The following PTPRD variants were observed in gnomAD, a reference collection of about 807,000 sequenced individuals.
The protein encoded by PTPRD is protein tyrosine phosphatase receptor type D, also known as receptor-type tyrosine-protein phosphatase delta.
A neutral mutation model predicts 214.5 loss-of-function variants in PTPRD; 34 were observed. That is an observed-to-expected ratio of 0.16 (90% confidence interval 0.12 to 0.21). PTPRD has a LOEUF of 0.21. Among genes scored for constraint, PTPRD ranks in the 10% least tolerant of loss-of-function variants. The probability of loss-of-function intolerance (pLI) is 1.00; values close to 1 mark genes in which losing one functional copy is unlikely to be tolerated. For missense variants in PTPRD, 2,545 were observed against 2,398.7 expected, an observed-to-expected ratio of 1.06 and a Z score of -1.27; for synonymous variants, 1,128 against 845.7, an observed-to-expected ratio of 1.33 and a Z score of -5.79.
At chr9:9,094,048 T>G (rs1266961020) in intron 10 of PTPRD, among the ~76,000 whole-genome samples, 2 of 152,058 alleles carry the variant, frequency 1.3e-5, no homozygotes, top group Non-Finnish European at 2.9e-5. Context: ...CATACATAAG[T>G]TCAACAACTT....
At chr9:9,444,555 T>A (rs1368957333) in intron 8 of PTPRD, among the ~76,000 whole-genome samples, 2 of 152,312 alleles carry the variant, frequency 1.3e-5, no homozygotes, top group South Asian at 2.1e-4. Flanking sequence ...TAAACACAGA[T>A]GTTTTTATGG....
intron 11 of PTPRD, among the ~76,000 whole-genome samples, chr9:8,925,588 T>G (rs1486588273): frequency 5.0e-5 from 5 of 100,972 alleles, no homozygotes; most frequent in African/African-American, 1.6e-4. Context: ...AACCAAGATA[T>G]TTTTCATCTG....
In PTPRD at chr9:8,359,107, C is replaced by CAAAAAAAA. The variant is rs749802631; in HGVS notation, c.4661+16821_4661+16828dup. ...TGGGCCACAGAGCGAGACTCCGTCTCAAAAAAAAAAAAAAACAAAAAAAAA... is the reference window on the plus strand; with the variant it reads ...TGGGCCACAGAGCGAGACTCCGTCTCAAAAAAAAAAAAAAAAAAAAAAACAAAAAAAAA... On this transcript the variant is annotated intron_variant, in intron 39 of 45. Coordinates refer to ENST00000381196, the MANE Select transcript of PTPRD (RefSeq NM_002839.4). 6.1e-4 allele frequency among the ~76,000 whole-genome samples: 6 copies of CAAAAAAAA among 9,832 alleles called. 1 individual carries two copies. The highest frequency in any genetic ancestry group is 3.1e-3 in the African/African-American group (6 of 1,944). The allele number at this position is 9,832 out of a possible 152,430, so 6.5% of individuals were successfully genotyped here. A position where few individuals can be genotyped will look rare whatever the true frequency, so the allele number is the denominator to read the frequency against.
At chr9:8,606,635 T>A (rs1182376445) in intron 14 of PTPRD, among the ~76,000 whole-genome samples, 1 of 152,204 alleles carries the variant, frequency 6.6e-6, no homozygotes, top group African/African-American at 2.4e-5. Context: ...TATTCTGAAA[T>A]CCATTCTGCC....
intron 3 of PTPRD, among the ~76,000 whole-genome samples, chr9:10,337,578 T>C (rs1242405986): frequency 6.6e-6 from 1 of 151,720 alleles, no homozygotes; most frequent in Non-Finnish European, 1.5e-5. Context: ...TGCATTTTTT[T>C]CCTTTGCAAT....
At chr9:8,918,631 A>C (rs1390994118) in intron 11 of PTPRD, among the ~76,000 whole-genome samples, 1 of 152,136 alleles carries the variant, frequency 6.6e-6, no homozygotes, top group African/African-American at 2.4e-5. Flanking sequence ...ATGTTAGAAA[A>C]CATATTGCAC....
At chr9:9,038,276 G>C (rs57516156) in intron 10 of PTPRD, among the ~76,000 whole-genome samples, 4,109 of 152,154 alleles carry the variant, frequency 0.027, 185 homozygotes, top group African/African-American at 0.093. Context: ...AGCCCAGATG[G>C]GCAGCTGGGA....
intron 10 of PTPRD, among the ~76,000 whole-genome samples, chr9:9,129,115 C>T (rs12350880): frequency 0.033 from 5,101 of 152,294 alleles, 182 homozygotes; most frequent in African/African-American, 0.074. Context: ...TTAGGCCGGG[C>T]GCAGTGGCTC....
rs556249301 is a variant in PTPRD, at chr9:9,304,231, G to T, written c.-203+93218C>A. On this transcript the variant is annotated intron_variant, in intron 9 of 45. Transcript: ENST00000381196. ...GGTGACATATAGTATAATAGAGGAT[G>T]ATTGTTATGGGAAAAAGAAAAGAAG... 4.6e-5 allele frequency among the ~76,000 whole-genome samples: 7 copies of T among 152,194 alleles called. No homozygotes were observed. The East Asian group carries it at 7.7e-4, about 17-fold the overall frequency.
intron 3 of PTPRD, among the ~76,000 whole-genome samples, chr9:10,260,176 G>A (rs2093601489): frequency 6.6e-6 from 1 of 152,124 alleles, no homozygotes; most frequent in South Asian, 2.1e-4. Context: ...TGTGGAAACC[G>A]TAAATGTGAC....
At chr9:9,000,438 G>A (rs1247466078) in intron 11 of PTPRD, among the ~76,000 whole-genome samples, 1 of 151,962 alleles carries the variant, frequency 6.6e-6, no homozygotes, top group Non-Finnish European at 1.5e-5. Context: ...ACAGATAAAA[G>A]CAGAGTAATA....
chr9:8,622,613 C>A (rs12686827), intron 14 of PTPRD, among the ~76,000 whole-genome samples: 12,943 of 151,868 alleles, frequency 0.085, 681 homozygotes, highest in East Asian at 0.17. Flanking sequence ...TTCTTTCCAT[C>A]TTTTTATTCC....
chr9:8,409,879 T>A (rs2093369102), intron 35 of PTPRD, among the ~76,000 whole-genome samples: 1 of 152,164 alleles, frequency 6.6e-6, no homozygotes, highest in South Asian at 2.1e-4. Flanking sequence ...AAACCATGGG[T>A]CAGACTAACC....
At chr9:8,883,329 T>C (rs2098461920) in intron 11 of PTPRD, among the ~76,000 whole-genome samples, 1 of 152,208 alleles carries the variant, frequency 6.6e-6, no homozygotes, top group Admixed American at 6.5e-5. Flanking sequence ...TTGTTCTGTG[T>C]GGAGTAAGTA....
chr9:8,428,332 AATTTAGCC>A (rs2094824990), intron 35 of PTPRD, among the ~76,000 whole-genome samples: 1 of 152,102 alleles, frequency 6.6e-6, no homozygotes, highest in Non-Finnish European at 1.5e-5. Context: ...TGGAATAGTA[AATTTAGCC>A]ATTCATCTTC....
At chr9:10,133,406 C>T (rs1029201188) in intron 3 of PTPRD, among the ~76,000 whole-genome samples, 1 of 152,078 alleles carries the variant, frequency 6.6e-6, no homozygotes. Flanking sequence ...TGACGGTGTT[C>T]CCACCTCACA....
At chr9:9,487,234 C>T (rs577799092) in intron 8 of PTPRD, among the ~76,000 whole-genome samples, 35 of 151,762 alleles carry the variant, frequency 2.3e-4, no homozygotes, top group South Asian at 2.1e-3. Flanking sequence ...CAACAGTCCC[C>T]GGTGTGTGAT....
intron 2 of PTPRD, among the ~76,000 whole-genome samples, chr9:10,411,830 C>T (rs186814609): frequency 2.0e-5 from 3 of 151,742 alleles, no homozygotes; most frequent in African/African-American, 7.2e-5. Context: ...CAAGTTAAAA[C>T]ATTAAAAACA....
At chr9:9,363,439 G>C (rs2056900064) in intron 9 of PTPRD, among the ~76,000 whole-genome samples, 1 of 151,232 alleles carries the variant, frequency 6.6e-6, no homozygotes, top group Non-Finnish European at 1.5e-5. Flanking sequence ...ATTTTACTTA[G>C]AAATTAACTA....
Sources: gnomAD v4.1 joint callset for allele counts (sites outside exome capture counted in the v4.1 genomes callset) on GRCh38, gnomAD v4.1.1 for gene constraint, MANE v1.5 for transcripts, NCBI Gene and HGNC (gene_info 2026-07-23, HGNC 2026-07-21) for gene names.